Variants in CNBD1 observed in about 807,000 individuals in gnomAD.
CNBD1 encodes the protein cyclic nucleotide-binding domain-containing protein 1.
A neutral mutation model predicts 54.4 loss-of-function variants in CNBD1; 71 were observed. That is an observed-to-expected ratio of 1.30 (90% CI 1.08 to 1.59). CNBD1 has a LOEUF of 1.59. Ranked by LOEUF, CNBD1 falls within the 40% of genes most tolerant of loss-of-function variation. The pLI is 0.00. For synonymous variants in CNBD1, 182 were observed against 170.7 expected, an observed-to-expected ratio of 1.07 and a Z score of -0.51; for missense variants, 659 against 518.0, an observed-to-expected ratio of 1.27 and a Z score of -2.64.
At chr8:87,124,645 T>G (rs1003319871) in intron 4 of CNBD1, among the ~76,000 whole-genome samples, 1 of 151,436 alleles carries the variant, frequency 6.6e-6, no homozygotes, top group Non-Finnish European at 1.5e-5. Context: ...ATAGAGGGAG[T>G]GTACCTCAAC....
intron 5 of CNBD1, among the ~76,000 whole-genome samples, chr8:87,218,421 A>T (rs990664180): frequency 6.6e-6 from 1 of 152,100 alleles, no homozygotes; most frequent in Admixed American, 6.6e-5. Context: ...ATTCAATTAT[A>T]ATGCTGAATT....
rs1001276058 is a variant in CNBD1 at position 87,330,543 on chromosome 8, A to G, written c.1043-21142A>G. On this transcript the variant is annotated intron_variant, in intron 8 of 10. Transcript: ENST00000518476. The stretch of plus-strand genomic sequence containing the variant: ...TCTCTTGAGATTTTATCTTTGACCC[A>G]TGTGTTGTTTAGCGGTGTGTTGTTT... Among the ~76,000 whole-genome samples the G allele has an allele frequency of 3.9e-5, 6 of 152,032 alleles. No homozygotes were observed. The East Asian group carries it at 7.7e-4, about 20-fold the overall frequency.
chr8:87,021,956 T>G (rs968667070), intron 4 of CNBD1, among the ~76,000 whole-genome samples: 1 of 151,634 alleles, frequency 6.6e-6, no homozygotes, highest in African/African-American at 2.4e-5. Context: ...TAAGTATTTT[T>G]ATGAAAAATA....
chr8:86,991,935 T>C (rs1263625701), intron 4 of CNBD1, among the ~76,000 whole-genome samples: 1 of 152,176 alleles, frequency 6.6e-6, no homozygotes, highest in Non-Finnish European at 1.5e-5. Flanking sequence ...ACTGAGCATG[T>C]AGTTGATCTT....
In CNBD1 at chr8:87,241,474, G is replaced by A. The variant is rs575619209; in HGVS notation, c.771+4362G>A. ...TTTTTAGTAGAGACGGGGTTTCACCGTGTTAGCCAGGATCGTCTTGATCTC... is the reference window on the plus strand; with the variant it reads ...TTTTTAGTAGAGACGGGGTTTCACCATGTTAGCCAGGATCGTCTTGATCTC... On this transcript the variant is annotated intron_variant, in intron 6 of 10. Coordinates refer to ENST00000518476, the MANE Select transcript of CNBD1 (RefSeq NM_173538.3). Among the ~76,000 whole-genome samples the A allele has an allele frequency of 3.8e-3, 583 of 151,840 alleles. 4 individuals carry two copies. The highest frequency in any genetic ancestry group is 5.9e-3 in the Non-Finnish European group (400 of 67,924).
At chr8:86,900,569 T>G (rs1808917003) in intron 2 of CNBD1, among the ~76,000 whole-genome samples, 1 of 152,190 alleles carries the variant, frequency 6.6e-6, no homozygotes, top group Non-Finnish European at 1.5e-5. Context: ...CATTAACAAT[T>G]AACATTTTTA....
At chr8:87,281,805 C>T (rs1299683859) in intron 6 of CNBD1, among the ~76,000 whole-genome samples, 1 of 150,746 alleles carries the variant, frequency 6.6e-6, no homozygotes, top group East Asian at 2.0e-4. Flanking sequence ...AAAGTTATCT[C>T]CCTAATCCTA....
chr8:86,953,900 G>A (rs1050266221), intron 4 of CNBD1, among the ~76,000 whole-genome samples: 1 of 152,114 alleles, frequency 6.6e-6, no homozygotes, highest in Non-Finnish European at 1.5e-5. Flanking sequence ...AACTAAACAT[G>A]TTAAATAATC....
At chr8:87,149,550 T>A (rs900507790) in intron 4 of CNBD1, among the ~76,000 whole-genome samples, 2 of 152,184 alleles carry the variant, frequency 1.3e-5, no homozygotes, top group South Asian at 2.1e-4. Flanking sequence ...TTTCACATGC[T>A]GCCCCCTATC....
rs138885824 is a variant in CNBD1 at position 87,286,065 on chromosome 8, T to C, written c.910-474T>C. On this transcript the variant is annotated intron_variant, in intron 7 of 10. Transcript: ENST00000518476. Reference sequence around the variant, plus strand: ...GGTCTCCAGTGGTGGGGAATTCTTGTGATTTAGTGGTCCCAGTGTCAGTAG... The same window carrying C: ...GGTCTCCAGTGGTGGGGAATTCTTGCGATTTAGTGGTCCCAGTGTCAGTAG... Among the ~76,000 whole-genome samples, 120 of 152,280 alleles carry C rather than the reference T, an allele frequency of 7.9e-4. 2 individuals carry two copies. The highest frequency in any genetic ancestry group is 5.5e-3 in the Admixed American group (84 of 15,274).
chr8:87,042,410 A>G (rs1296611030), intron 4 of CNBD1, among the ~76,000 whole-genome samples: 4 of 152,176 alleles, frequency 2.6e-5, no homozygotes, highest in African/African-American at 9.6e-5. Flanking sequence ...CTTTCTGTAG[A>G]TAAAGAAAGG....
chr8:87,249,841 C>A (rs574915886), intron 6 of CNBD1, among the ~76,000 whole-genome samples: 92 of 152,194 alleles, frequency 6.0e-4, no homozygotes, highest in African/African-American at 2.2e-3. Context: ...AAAACAGGAC[C>A]CTTGAACTTA....
intron 4 of CNBD1, among the ~76,000 whole-genome samples, chr8:87,133,134 C>A (rs1051510436): frequency 3.3e-5 from 5 of 151,738 alleles, no homozygotes; most frequent in Admixed American, 3.3e-4. Context: ...TGCTAAGATT[C>A]CTTTTTTTTC....
intron 4 of CNBD1, among the ~76,000 whole-genome samples, chr8:87,189,173 C>T (rs1813546334): frequency 6.6e-6 from 1 of 152,068 alleles, no homozygotes; most frequent in Non-Finnish European, 1.5e-5. Flanking sequence ...AGTGAGATTA[C>T]AGGTGACTTT....
At chr8:86,992,069 G>A (rs983089566) in intron 4 of CNBD1, among the ~76,000 whole-genome samples, 1 of 152,040 alleles carries the variant, frequency 6.6e-6, no homozygotes, top group Admixed American at 6.6e-5. Context: ...TTCTTTCTTA[G>A]TTTTCTGCCT....
At chr8:87,118,788 C>T (rs1811831367) in intron 4 of CNBD1, among the ~76,000 whole-genome samples, 1 of 152,210 alleles carries the variant, frequency 6.6e-6, no homozygotes, top group Non-Finnish European at 1.5e-5. Context: ...TAATTTAACA[C>T]ACCTGGGAAA....
intron 8 of CNBD1, among the ~76,000 whole-genome samples, chr8:87,345,360 T>A (rs1460691859): frequency 5.9e-5 from 9 of 152,220 alleles, no homozygotes; most frequent in African/African-American, 2.2e-4. Flanking sequence ...ATGTTTCTAC[T>A]TGCTTAGCAT....
chr8:86,875,906 A>G (rs919118862), intron 1 of CNBD1, among the ~76,000 whole-genome samples: 2 of 152,158 alleles, frequency 1.3e-5, no homozygotes, highest in African/African-American at 2.4e-5. Flanking sequence ...ATTTGGATAA[A>G]TCTTACTTTG....
chr8:87,035,245 A>G (rs1809896586), intron 4 of CNBD1, among the ~76,000 whole-genome samples: 1 of 152,158 alleles, frequency 6.6e-6, no homozygotes, highest in South Asian at 2.1e-4. Context: ...TTGTGTAATA[A>G]TGGGGATTGG....
Sources: allele counts gnomAD v4.1 joint callset (sites outside exome capture counted in the v4.1 genomes callset), GRCh38; gene constraint gnomAD v4.1.1; transcripts MANE v1.5; gene names NCBI Gene and HGNC (gene_info 2026-07-23, HGNC 2026-07-21).